Variants in OVCH1 observed in about 807,000 individuals in gnomAD.
OVCH1 encodes the protein ovochymase 1, also known as ovochymase-1.
OVCH1 carries 139 observed loss-of-function variants against 138.4 expected under a neutral mutation model. That is an observed-to-expected ratio of 1.00 (90% confidence interval 0.87 to 1.16). The LOEUF (loss-of-function observed/expected upper bound fraction) is 1.16. Ranked by LOEUF, OVCH1 falls within the 50% of genes most tolerant of loss-of-function variation. The probability of loss-of-function intolerance (pLI) is 0.00; values close to 1 mark genes in which losing one functional copy is unlikely to be tolerated. For missense variants in OVCH1, 1,367 were observed against 1,357.9 expected, an observed-to-expected ratio of 1.01 and a Z score of -0.11; for synonymous variants, 453 against 467.8, an observed-to-expected ratio of 0.97 and a Z score of 0.41.
Position 29,478,822 on chromosome 12 carries a change from G to T in OVCH1, c.1069+13C>A. On this transcript the variant is annotated intron_variant, in intron 9 of 27. Transcript: ENST00000318184. ...TCTAAAATGACAAATAAAAACAAAT[G>T]TAACATACTTACTAAAAAGCACTCC... 6.5e-7 allele frequency: 1 copy of T among 1,543,734 alleles called. No individual in the cohort carries two copies. The highest frequency in any genetic ancestry group is 1.7e-4 in the Middle Eastern group (1 of 5,858).
chr12:29,443,613 TTTGTGTC>T, intron 24 of OVCH1, 113 bp from the exon 25 acceptor site: 1 of 1,044,654 alleles, frequency 9.6e-7, no homozygotes, highest in Non-Finnish European at 1.3e-6. Flanking sequence ...AGCCTTATTT[TTTGTGTC>T]TGTTTCCTTA....
chr12:29,422,157 G>A (rs1393756793), intron 3 of OVCH1, among the ~76,000 whole-genome samples: 2 of 152,108 alleles, frequency 1.3e-5, no homozygotes, highest in Admixed American at 1.3e-4. Flanking sequence ...GTACACATGT[G>A]TAACAGCAAT....
chr12:29,469,938 C>T (rs1299813787), intron 16 of OVCH1, among the ~76,000 whole-genome samples: 1 of 152,092 alleles, frequency 6.6e-6, no homozygotes, highest in Non-Finnish European at 1.5e-5. Context: ...ATTTGGGAAG[C>T]TTTTCAAAAA....
At chr12:29,495,437 G>A (rs772119874) in exon 4 of OVCH1, 1 of 1,612,964 alleles carries the variant, frequency 6.2e-7, no homozygotes, top group Non-Finnish European at 8.5e-7. Flanking sequence ...AGAAGTCACA[G>A]TTATATTCTT....
chr12:29,411,068 G>A (rs370373915), downstream of OVCH1, among the ~76,000 whole-genome samples: 1,487 of 135,766 alleles, frequency 0.011, 33 homozygotes, highest in African/African-American at 0.036. Context: ...ATCTTCCATC[G>A]CTGATACCCT....
At position 29,455,420 on chromosome 12, in the gene OVCH1, A is replaced by G. The variant is rs970364239; in HGVS notation, c.2281-15T>C. On this transcript the variant is annotated splice_polypyrimidine_tract_variant and intron_variant, in intron 19 of 27. Coordinates refer to ENST00000318184, the Ensembl canonical transcript of OVCH1. ...CCAGAGTCTCCCTGAAACACCAAGA[A>G]AACATGTTTTAGAAAACTGCTTTAA... 4 of 1,584,544 alleles carry G rather than the reference A, an allele frequency of 2.5e-6. No individual in the cohort carries two copies. The highest frequency in any genetic ancestry group is 2.3e-5 in the East Asian group (1 of 44,418).
chr12:29,465,346 TGAA>T (rs1942278848), intron 16 of OVCH1, 127 bp from the exon 17 acceptor site: 1 of 762,320 alleles, frequency 1.3e-6, no homozygotes, highest in Admixed American at 3.3e-5. Flanking sequence ...AAGAGGTTTA[TGAA>T]GAAGAGGTTT....
At chr12:29,441,887 G>C (rs1941494389) in intron 25 of OVCH1, among the ~76,000 whole-genome samples, 1 of 152,006 alleles carries the variant, frequency 6.6e-6, no homozygotes, top group South Asian at 2.1e-4. Context: ...ACCGTCACTG[G>C]CCATCAGAGA....
chr12:29,450,896 C>T (rs1941770556), intron 22 of OVCH1, among the ~76,000 whole-genome samples: 1 of 151,876 alleles, frequency 6.6e-6, no homozygotes, highest in Non-Finnish European at 1.5e-5. Context: ...AACCATAATT[C>T]TCAGCAAGCT....
chr12:29,487,401 G>A (rs1943141557), intron 7 of OVCH1: 1 of 251,822 alleles, frequency 4.0e-6, no homozygotes, highest in East Asian at 8.2e-5. Context: ...CATGCCAACT[G>A]AAAAAATGAA....
intron 26 of OVCH1, among the ~76,000 whole-genome samples, chr12:29,438,976 C>T (rs1941415993): frequency 6.6e-6 from 1 of 152,084 alleles, no homozygotes; most frequent in Admixed American, 6.6e-5. Flanking sequence ...TTATTTTCAG[C>T]AGAAAGCAAT....
intron 16 of OVCH1, among the ~76,000 whole-genome samples, chr12:29,467,203 A>G (rs575943098): frequency 1.3e-5 from 2 of 152,324 alleles, no homozygotes; most frequent in South Asian, 4.1e-4. Context: ...ATAATTACTT[A>G]GTAGTGAAGA....
chr12:29,460,886 CAG>C (rs766827105), intron 19 of OVCH1, among the ~76,000 whole-genome samples: 3 of 152,112 alleles, frequency 2.0e-5, no homozygotes, highest in Admixed American at 6.6e-5. Flanking sequence ...AAAATTCAAA[CAG>C]AATTTAAGCA....
intron 22 of OVCH1, among the ~76,000 whole-genome samples, 158 bp downstream of exon 22, chr12:29,451,183 TAATA>T (rs1411058923): frequency 2.0e-5 from 3 of 151,644 alleles, no homozygotes; most frequent in Non-Finnish European, 2.9e-5. Context: ...ATAATAATAA[TAATA>T]AAGAAAATGT....
At chr12:29,407,793 C>T (rs1366626845), downstream of OVCH1, among the ~76,000 whole-genome samples, 1 of 151,018 alleles carries the variant, frequency 6.6e-6, no homozygotes, top group Non-Finnish European at 1.5e-5. Flanking sequence ...TATGCGGGCT[C>T]TTTTTTGGTT....
chr12:29,495,491 G>A lies in OVCH1; in HGVS notation c.282-34C>T, dbSNP rs761416711. Reference sequence around the variant, plus strand: ...AAAGAAAAATGTTTCATAAGTAGTTGTTTCCCCTACGCAAGTCTTCTTGGT... The same window carrying A: ...AAAGAAAAATGTTTCATAAGTAGTTATTTCCCCTACGCAAGTCTTCTTGGT... On this transcript the variant is annotated intron_variant, in intron 3 of 27. Transcript: ENST00000318184. The A allele has an allele frequency of 3.5e-5, 56 of 1,582,518 alleles. 1 individual carries two copies. The Admixed American group carries it at 6.8e-4, about 19-fold the overall frequency.
At chr12:29,407,655 C>T (rs1940901414), downstream of OVCH1, among the ~76,000 whole-genome samples, 2 of 152,088 alleles carry the variant, frequency 1.3e-5, no homozygotes, top group Non-Finnish European at 2.9e-5. Flanking sequence ...TGTTCTGTTC[C>T]ATTGGTCTCT....
chr12:29,462,125 G>C, intron 18 of OVCH1, 117 bp from the exon 19 acceptor site: 1 of 1,142,964 alleles, frequency 8.7e-7, no homozygotes, highest in Non-Finnish European at 1.2e-6. Context: ...ATTCAGTTTG[G>C]CCTGAGCTGA....
intron 26 of OVCH1, among the ~76,000 whole-genome samples, chr12:29,438,733 T>G (rs1307774633): frequency 2.0e-5 from 3 of 152,332 alleles, no homozygotes; most frequent in East Asian, 1.9e-4. Context: ...CCATTATATC[T>G]TCTACATTTT....
Sources: allele counts gnomAD v4.1 joint callset (sites outside exome capture counted in the v4.1 genomes callset), GRCh38; gene constraint gnomAD v4.1.1; transcripts MANE v1.5; gene names NCBI Gene and HGNC (gene_info 2026-07-23, HGNC 2026-07-21).